The following CACNA1E variants were observed in gnomAD, a reference collection of about 807,000 sequenced individuals.
The protein encoded by CACNA1E is voltage-dependent R-type calcium channel subunit alpha-1E.
A neutral mutation model predicts 259.2 loss-of-function variants in CACNA1E; 40 were observed. The observed-to-expected ratio is 0.15, with a 90% CI of 0.12 to 0.20. The LOEUF (loss-of-function observed/expected upper bound fraction) is 0.20. Among genes scored for constraint, CACNA1E ranks in the 10% least tolerant of loss-of-function variants. CACNA1E has a pLI of 1.00. For synonymous variants in CACNA1E, 1,104 were observed against 1,138.5 expected (o/e 0.97, Z 0.61); for missense variants, 1,874 against 3,040.1 (o/e 0.62, Z 9.02).
chr1:181,558,649 G>A (rs116564551), intron 3 of CACNA1E, among the ~76,000 whole-genome samples: 2,902 of 152,308 alleles, frequency 0.019, 49 homozygotes, highest in Non-Finnish European at 0.024. Flanking sequence ...AGGCGGAGGC[G>A]TGGCAAGAGG....
At chr1:181,723,505 A>C (rs1654602009) in intron 16 of CACNA1E, among the ~76,000 whole-genome samples, 2 of 152,176 alleles carry the variant, frequency 1.3e-5, no homozygotes, top group Non-Finnish European at 2.9e-5. Flanking sequence ...ACAAGCAAGC[A>C]ATCCGGCAGT....
chr1:181,781,778 T>C (rs1467905223), intron 39 of CACNA1E, among the ~76,000 whole-genome samples: 2 of 152,198 alleles, frequency 1.3e-5, no homozygotes, highest in Non-Finnish European at 2.9e-5. Context: ...CTGTGTGGCT[T>C]CTTGTGAGTG....
intron 3 of CACNA1E, among the ~76,000 whole-genome samples, chr1:181,553,116 T>C (rs1407275365): frequency 1.3e-5 from 2 of 152,234 alleles, no homozygotes; most frequent in Non-Finnish European, 2.9e-5. Flanking sequence ...ACGATATTGA[T>C]TCTTCCTATC....
intron 3 of CACNA1E, among the ~76,000 whole-genome samples, chr1:181,547,294 GGCCACCGAT>G (rs1647588942): frequency 6.6e-6 from 1 of 151,954 alleles, no homozygotes; most frequent in South Asian, 2.1e-4. Flanking sequence ...CCCTGACTCT[GGCCACCGAT>G]GCCACCCTAA....
chr1:181,773,576 G>GGAGT (rs1395991226), intron 37 of CACNA1E, among the ~76,000 whole-genome samples: 1 of 152,106 alleles, frequency 6.6e-6, no homozygotes, highest in Non-Finnish European at 1.5e-5. Context: ...GCTATTGATG[G>GGAGT]GAGTTTTCCA....
chr1:181,520,827 G>A (rs1377604027), intron 3 of CACNA1E, among the ~76,000 whole-genome samples: 1 of 152,114 alleles, frequency 6.6e-6, no homozygotes, highest in African/African-American at 2.4e-5. Flanking sequence ...ACATTTTCTA[G>A]ATTTCCATTT....
chr1:181,700,401 G>A (rs1652127105), intron 7 of CACNA1E, among the ~76,000 whole-genome samples: 1 of 152,164 alleles, frequency 6.6e-6, no homozygotes, highest in African/African-American at 2.4e-5. Flanking sequence ...CTTCTTGTCT[G>A]GTGGCTGCCC....
At chr1:181,497,016 T>C (rs1408862963) in intron 1 of CACNA1E, among the ~76,000 whole-genome samples, 4 of 152,056 alleles carry the variant, frequency 2.6e-5, no homozygotes, top group African/African-American at 9.7e-5. Flanking sequence ...CTGAGGAATA[T>C]GGGCCTATGT....
At chr1:181,745,406 G>A (rs1656985026) in intron 25 of CACNA1E, 1 of 476,308 alleles carries the variant, frequency 2.1e-6, no homozygotes, top group Non-Finnish European at 4.1e-6. Flanking sequence ...CGTGGCCACA[G>A]ACCCAAGCAA....
chr1:181,640,670 T>C (rs1353968528), intron 6 of CACNA1E, among the ~76,000 whole-genome samples: 1 of 152,222 alleles, frequency 6.6e-6, no homozygotes, highest in East Asian at 1.9e-4. Context: ...CGTCTGCCCT[T>C]GTAGGCTGTG....
At chr1:181,665,541 C>T (rs1648135901) in intron 7 of CACNA1E, among the ~76,000 whole-genome samples, 1 of 151,958 alleles carries the variant, frequency 6.6e-6, no homozygotes, top group Admixed American at 6.6e-5. Flanking sequence ...TGTTCTATTG[C>T]ACAGTAGGTG....
intron 2 of CACNA1E, among the ~76,000 whole-genome samples, chr1:181,440,867 C>G (rs963751644): frequency 2.6e-5 from 4 of 151,670 alleles, no homozygotes; most frequent in African/African-American, 9.7e-5. Flanking sequence ...TGCCTATGAT[C>G]CTACTCAGGA....
At chr1:181,503,259 C>A (rs1025020949) in intron 1 of CACNA1E, among the ~76,000 whole-genome samples, 1 of 152,240 alleles carries the variant, frequency 6.6e-6, no homozygotes, top group Non-Finnish European at 1.5e-5. Flanking sequence ...TATGATCTCA[C>A]CAGCATGATC....
intron 1 of CACNA1E, among the ~76,000 whole-genome samples, chr1:181,363,717 T>C (rs908332446): frequency 2.0e-5 from 3 of 152,204 alleles, no homozygotes; most frequent in African/African-American, 7.2e-5. Flanking sequence ...GAGACTCCCC[T>C]GGTCTCTGGC....
intron 4 of CACNA1E, among the ~76,000 whole-genome samples, chr1:181,578,416 A>C (rs1358789334): frequency 6.6e-6 from 1 of 152,104 alleles, no homozygotes; most frequent in Non-Finnish European, 1.5e-5. Flanking sequence ...AGTAAAAAAA[A>C]TGTAGCTGAG....
chr1:181,798,860 C>A lies in CACNA1E; in HGVS notation c.*26C>A. 1 of 1,485,866 alleles carries A rather than the reference C, an allele frequency of 6.7e-7. No homozygotes were observed. Among genetic ancestry groups the A allele is most frequent in the South Asian group, 1.4e-5 (1 of 71,598 alleles). 92.0% of individuals were successfully genotyped at this position (1,485,866 alleles called of 1,614,324 possible). A position where few individuals can be genotyped will look rare whatever the true frequency, so the allele number is the denominator to read the frequency against. On this transcript the variant is annotated 3_prime_UTR_variant, in exon 48 of 48. Coordinates refer to ENST00000367573, the MANE Select transcript of CACNA1E (RefSeq NM_001205293.3). This position sits in a 1 kb window ranked among gnomAD's most constrained non-coding sequence, Gnocchi z 4.2. Reference sequence around the variant, plus strand: ...AGGCTGCTCCCCCCTCCGATGCATGCTCTTCTCTCACATGGAGAAAACCAA... The same window carrying A: ...AGGCTGCTCCCCCCTCCGATGCATGATCTTCTCTCACATGGAGAAAACCAA...
In CACNA1E at chr1:181,485,283, A is replaced by T. The variant is rs1450341546; in HGVS notation, c.266+1273A>T. Among the ~76,000 whole-genome samples the T allele has an allele frequency of 6.6e-6, 1 of 152,144 alleles. No individual in the cohort carries two copies. Among genetic ancestry groups the T allele is most frequent in the Non-Finnish European group, 1.5e-5 (1 of 68,026 alleles). On this transcript the variant is annotated intron_variant, in intron 1 of 47. Coordinates refer to ENST00000367573, the MANE Select transcript of CACNA1E (RefSeq NM_001205293.3). This position sits in a 1 kb window ranked among gnomAD's most constrained non-coding sequence, Gnocchi z 4.2. ...CTTGGGTCTCTAGTATTAGCCAGAC[A>T]CGCGGCTCATTTCCCCCAGGGCCTG...
intron 3 of CACNA1E, among the ~76,000 whole-genome samples, chr1:181,513,509 C>T (rs553166556): frequency 2.0e-5 from 3 of 152,178 alleles, no homozygotes; most frequent in East Asian, 1.9e-4. Flanking sequence ...CTCCAACGTA[C>T]GTCTTTTGGA....
At chr1:181,400,867 A>G (rs1245790230) in intron 1 of CACNA1E, among the ~76,000 whole-genome samples, 7 of 152,196 alleles carry the variant, frequency 4.6e-5, no homozygotes, top group Admixed American at 2.0e-4. Context: ...TATGGCTGCA[A>G]TGGCTTCCAA....
Sources: allele counts gnomAD v4.1 joint callset (sites outside exome capture counted in the v4.1 genomes callset), GRCh38; gene constraint gnomAD v4.1.1; non-coding constraint Gnocchi (gnomAD v3.1); transcripts MANE v1.5; gene names NCBI Gene and HGNC (gene_info 2026-07-23, HGNC 2026-07-21).